CD96: variants seen among roughly 807,000 people sequenced by gnomAD.
CD96 encodes CD96 molecule, also known as T-cell surface protein tactile.
A neutral mutation model predicts 71.3 loss-of-function variants in CD96; 70 were observed. The ratio of observed to expected loss-of-function variants is 0.98; its 90% confidence interval spans 0.81 to 1.20. The LOEUF is 1.20. CD96 is among the 50% of genes most tolerant of loss of function. The pLI, the probability that CD96 is intolerant of heterozygous loss-of-function variation, is 0.00. For missense variants in CD96, 742 were observed against 677.5 expected (o/e 1.10, Z -1.06); for synonymous variants, 248 against 233.0 (o/e 1.06, Z -0.59).
In CD96 at chr3:111,594,262, A is replaced by G. The variant is rs145089582; in HGVS notation, c.808-3858A>G. 8 of 1,501,186 alleles carry G rather than the reference A, an allele frequency of 5.3e-6. No homozygotes were observed. The Admixed American group carries it at 6.7e-5, about 13-fold the overall frequency. The allele number at this position is 1,501,186 out of a possible 1,614,324, so 93.0% of individuals were successfully genotyped here. On this transcript the variant is annotated intron_variant, in intron 5 of 13. Coordinates refer to ENST00000352690, the MANE Select transcript of CD96 (RefSeq NM_005816.5). ...AGATGTGAGCCAAAAGCTTATTTGA[A>G]CCACAAGATTAAATATATATTTGGG...
chr3:111,637,494 G>A (rs1167467223), intron 11 of CD96, among the ~76,000 whole-genome samples: 4 of 152,014 alleles, frequency 2.6e-5, no homozygotes, highest in Non-Finnish European at 5.9e-5. Context: ...CTACACAATA[G>A]CATTTTTTAC....
chr3:111,624,490 T>C, intron 10 of CD96, 86 bp downstream of exon 10: 2 of 823,168 alleles, frequency 2.4e-6, no homozygotes, highest in Non-Finnish European at 4.3e-6. Flanking sequence ...ATGTGCTTTG[T>C]TTGTAATAAT....
chr3:111,608,418 A>G (rs1290568194), intron 8 of CD96, among the ~76,000 whole-genome samples: 1 of 152,242 alleles, frequency 6.6e-6, no homozygotes, highest in Non-Finnish European at 1.5e-5. Context: ...AGTCTCAAAG[A>G]ATCTGTGAAC....
intron 4 of CD96, 154 bp downstream of exon 4, chr3:111,579,388 C>T (rs1936367231): frequency 5.6e-6 from 4 of 708,602 alleles, no homozygotes; most frequent in Non-Finnish European, 1.0e-5. Flanking sequence ...TCTTGTTGGG[C>T]AGGGGGATGA....
At chr3:111,594,391 G>T in intron 5 of CD96, 1 of 622,026 alleles carries the variant, frequency 1.6e-6, no homozygotes, top group East Asian at 2.8e-5. Context: ...AGAGTCAGGG[G>T]TGAGTCAGAT....
Position 111,545,114 on chromosome 3 carries a change from A to C in CD96, c.130A>C (p.Thr44Pro). ...YATLGSDVNL[T>P]CQTQTVGFFV... The stretch of plus-strand genomic sequence containing the variant: ...TACACTTGGCTCTGATGTCAACCTG[A>C]CCTGCCAAACACAGACAGTAGGCTT... The change falls in exon 2 of 14, where the codon ACC becomes CCC. Residue 44 changes from threonine (T) to proline (P), a missense_variant. Physicochemically the swap from Thr to Pro is conservative, Grantham distance 38 (BLOSUM62 -1). Coordinates refer to ENST00000352690, the MANE Select transcript of CD96 (RefSeq NM_005816.5). 1 of 1,614,218 alleles carries C rather than the reference A, an allele frequency of 6.2e-7. No homozygotes were observed. The highest frequency in any genetic ancestry group is 8.5e-7 in the Non-Finnish European group (1 of 1,180,046).
At chr3:111,585,676 G>A (rs779901934) in intron 5 of CD96, among the ~76,000 whole-genome samples, 28 of 152,162 alleles carry the variant, frequency 1.8e-4, no homozygotes, top group Non-Finnish European at 3.7e-4. Context: ...GGATAGTGAG[G>A]ACAAAGTAGG....
intron 2 of CD96, among the ~76,000 whole-genome samples, chr3:111,554,618 T>C (rs1934894130): frequency 6.6e-6 from 1 of 152,082 alleles, no homozygotes. Context: ...AATATATGTA[T>C]TAAACTCAAC....
chr3:111,593,685 C>A, intron 5 of CD96: 2 of 1,612,926 alleles, frequency 1.2e-6, no homozygotes, highest in South Asian at 1.1e-5. Flanking sequence ...TTTTCCACAG[C>A]CCTCTCCCGC....
At position 111,600,726 on chromosome 3, in the gene CD96, G is replaced by A; in HGVS notation, c.899G>A (p.Gly300Glu). 1.2e-6 allele frequency: 2 copies of A among 1,605,900 alleles called. No homozygotes were observed. The highest frequency in any genetic ancestry group is 1.3e-5 in the African/African-American group (1 of 74,856). The part of the protein sequence containing the change: ...DGSFLHDEKE[G>E]IYITNEERKG... ...AACCATGTTCGTATCTGTCTGGCAG[G>A]AATATATATTACTAATGAAGAGAGA... The change falls in exon 7 of 14, where the codon GGA (glycine) becomes GAA (glutamate). Residue 300 changes from glycine (G) to glutamate (E), a missense_variant and splice_region_variant. Coordinates refer to ENST00000352690, the MANE Select transcript of CD96 (RefSeq NM_005816.5).
In CD96 at chr3:111,600,870, A is replaced by G; in HGVS notation, c.1043A>G (p.Asn348Ser). Reference protein sequence around the residue: ...WCMALSPVPGNKVWNISSEKI... With the variant: ...WCMALSPVPGSKVWNISSEKI... ...ATGGCTCTGTCTCCAGTCCCAGGAA[A>G]TAAAGTGTGGAACATCTCATCAGAA... Residue 348 changes from asparagine to serine, a missense_variant, in exon 7 of 14, where the codon AAT (asparagine) becomes AGT (serine). By Grantham distance (46) the Asn-to-Ser change is conservative. Transcript: ENST00000352690. 1 of 1,613,436 alleles carries G rather than the reference A, an allele frequency of 6.2e-7. No homozygotes were observed. The highest frequency in any genetic ancestry group is 1.1e-5 in the South Asian group (1 of 91,058).
intron 12 of CD96, among the ~76,000 whole-genome samples, chr3:111,645,839 T>C (rs1315118481): frequency 6.6e-6 from 1 of 152,156 alleles, no homozygotes; most frequent in Non-Finnish European, 1.5e-5. Flanking sequence ...AATCCCTGGA[T>C]GTATGTTGTA....
rs1475877802 is a variant in CD96 at position 111,652,181 on chromosome 3, C to T, written c.*2375C>T. On this transcript the variant is annotated 3_prime_UTR_variant, in exon 14 of 14. Coordinates refer to ENST00000352690, the MANE Select transcript of CD96 (RefSeq NM_005816.5). Reference sequence around the variant, plus strand: ...CATTAATTTTGAGTATAATTTGTTACATAGCGACAGATAACTATACAGCTC... The same window carrying T: ...CATTAATTTTGAGTATAATTTGTTATATAGCGACAGATAACTATACAGCTC... 2 of 152,132 alleles carry T rather than the reference C, an allele frequency of 1.3e-5. No homozygotes were observed. The highest frequency in any genetic ancestry group is 2.9e-5 in the Non-Finnish European group (2 of 68,010). 9.4% of individuals were successfully genotyped at this position (152,132 alleles called of 1,614,324 possible). A position where few individuals can be genotyped will look rare whatever the true frequency, so the allele number is the denominator to read the frequency against.
At chr3:111,609,331 C>T (rs1937789016) in intron 8 of CD96, among the ~76,000 whole-genome samples, 1 of 152,088 alleles carries the variant, frequency 6.6e-6, no homozygotes, top group African/African-American at 2.4e-5. Context: ...GGGGAAGGAC[C>T]TCATTCCACT....
chr3:111,564,151 G>A (rs1433727002), intron 2 of CD96, among the ~76,000 whole-genome samples: 1 of 151,818 alleles, frequency 6.6e-6, no homozygotes, highest in Non-Finnish European at 1.5e-5. Context: ...CAGTATAATC[G>A]TTTAATGTGC....
intron 1 of CD96, among the ~76,000 whole-genome samples, chr3:111,543,907 A>G (rs2088468): frequency 0.69 from 104,969 of 152,134 alleles, 36,527 homozygotes; most frequent in African/African-American, 0.77. Flanking sequence ...TTGTTTTCCC[A>G]CCTCAAACGA....
intron 4 of CD96, among the ~76,000 whole-genome samples, chr3:111,582,041 G>A (rs1029182886): frequency 2.6e-5 from 4 of 152,158 alleles, no homozygotes; most frequent in Non-Finnish European, 4.4e-5. Flanking sequence ...CCCACATGAA[G>A]GGCAAGAAAG....
At chr3:111,645,185 A>G (rs1939771683) in intron 12 of CD96, among the ~76,000 whole-genome samples, 1 of 152,262 alleles carries the variant, frequency 6.6e-6, no homozygotes, top group East Asian at 1.9e-4. Flanking sequence ...GGAATACTAC[A>G]TAGCCATAAA....
At chr3:111,626,232 C>T (rs967340638) in intron 10 of CD96, among the ~76,000 whole-genome samples, 9 of 132,864 alleles carry the variant, frequency 6.8e-5, no homozygotes, top group African/African-American at 1.1e-4. Flanking sequence ...ACCCGGGAGG[C>T]GGAGCTCGCA....
Sources: gnomAD v4.1 joint callset for allele counts (sites outside exome capture counted in the v4.1 genomes callset) on GRCh38, gnomAD v4.1.1 for gene constraint, MANE v1.5 for transcripts, NCBI Gene and HGNC (gene_info 2026-07-23, HGNC 2026-07-21) for gene names.